DGKB: variants seen among roughly 807,000 people sequenced by gnomAD.
The protein encoded by DGKB is 90 kDa diacylglycerol kinase.
Under a neutral mutation model 114.3 loss-of-function variants are expected in DGKB, and 67 were observed. The ratio of observed to expected loss-of-function variants is 0.59; its 90% CI spans 0.48 to 0.72. The LOEUF is 0.72. DGKB is among the 30% of genes least tolerant of loss of function. The pLI is 0.00. For synonymous variants in DGKB, 398 were observed against 323.1 expected (o/e 1.23, Z -2.49); for missense variants, 907 against 975.2 (o/e 0.93, Z 0.93).
At chr7:14,502,295 A>G (rs1170960003) in intron 20 of DGKB, among the ~76,000 whole-genome samples, 1 of 152,058 alleles carries the variant, frequency 6.6e-6, no homozygotes. Context: ...GAGAGAAGTC[A>G]GGTAGAACCA....
At chr7:14,223,552 T>C (rs1033628512) in intron 23 of DGKB, among the ~76,000 whole-genome samples, 1 of 151,844 alleles carries the variant, frequency 6.6e-6, no homozygotes, top group Non-Finnish European at 1.5e-5. Flanking sequence ...GCAATGAATA[T>C]GTATTTATAC....
chr7:14,651,475 A>G, intron 13 of DGKB, among the ~76,000 whole-genome samples: 1 of 146,440 alleles, frequency 6.8e-6, no homozygotes, highest in Non-Finnish European at 1.5e-5. Context: ...CTCTCAATAA[A>G]TTAGGTATTG....
chr7:14,502,021 C>G (rs1459330747), intron 20 of DGKB, among the ~76,000 whole-genome samples: 1 of 151,862 alleles, frequency 6.6e-6, no homozygotes, highest in East Asian at 1.9e-4. Flanking sequence ...GACATTGTAG[C>G]TTGTCTCAAT....
intron 20 of DGKB, among the ~76,000 whole-genome samples, chr7:14,567,285 TATATA>T (rs1290064816): frequency 1.9e-5 from 1 of 52,512 alleles, no homozygotes; most frequent in East Asian, 7.8e-4. Flanking sequence ...TTATATTATA[TATATA>T]ATATATTTAT....
chr7:14,509,780 C>G (rs974510270), intron 20 of DGKB, among the ~76,000 whole-genome samples: 8 of 152,222 alleles, frequency 5.3e-5, no homozygotes, highest in African/African-American at 1.9e-4. Flanking sequence ...TTTGTCTCCG[C>G]CAGACTCGGG....
At chr7:14,746,182 T>TA (rs1225685689) in intron 4 of DGKB, among the ~76,000 whole-genome samples, 1 of 151,920 alleles carries the variant, frequency 6.6e-6, no homozygotes, top group East Asian at 1.9e-4. Context: ...CTACTAAAAA[T>TA]AAAAAAATTA....
chr7:14,768,883 C>T (rs1171473925), intron 2 of DGKB, among the ~76,000 whole-genome samples: 2 of 151,898 alleles, frequency 1.3e-5, no homozygotes, highest in Non-Finnish European at 2.9e-5. Flanking sequence ...TATGTTCTTA[C>T]ATTGGAACAT....
chr7:14,407,006 G>A (rs1285954214), intron 21 of DGKB, among the ~76,000 whole-genome samples: 1 of 152,048 alleles, frequency 6.6e-6, no homozygotes, highest in African/African-American at 2.4e-5. Flanking sequence ...TTATAGTTAT[G>A]AAAGAAAATT....
intron 22 of DGKB, among the ~76,000 whole-genome samples, chr7:14,342,682 A>G (rs1307857185): frequency 6.6e-6 from 1 of 151,916 alleles, no homozygotes; most frequent in Non-Finnish European, 1.5e-5. Context: ...CAATGGAGAT[A>G]TAACAGTATC....
chr7:14,400,871 T>C (rs1392209111), intron 21 of DGKB, among the ~76,000 whole-genome samples: 7 of 151,776 alleles, frequency 4.6e-5, no homozygotes, highest in East Asian at 1.9e-4. Context: ...CTTGAAAACA[T>C]AGTCAAGTTT....
chr7:14,248,779 G>C (rs138013186), intron 23 of DGKB, among the ~76,000 whole-genome samples: 1 of 152,002 alleles, frequency 6.6e-6, no homozygotes, highest in Non-Finnish European at 1.5e-5. Context: ...AGATTATGTC[G>C]TCTGCAAAGA....
intron 4 of DGKB, among the ~76,000 whole-genome samples, chr7:14,742,807 A>G (rs1832757635): frequency 6.6e-6 from 1 of 152,202 alleles, no homozygotes; most frequent in African/African-American, 2.4e-5. Context: ...CAAGGTGTGT[A>G]AGAAGAGTAA....
At chr7:14,919,861 C>T (rs1587382173) in intron 1 of DGKB, among the ~76,000 whole-genome samples, 2 of 152,110 alleles carry the variant, frequency 1.3e-5, no homozygotes, top group African/African-American at 4.8e-5. Context: ...TTGCTCCTTT[C>T]CTCTCCATGT....
intron 21 of DGKB, among the ~76,000 whole-genome samples, chr7:14,349,414 A>T (rs1813063810): frequency 6.6e-6 from 1 of 152,166 alleles, no homozygotes; most frequent in African/African-American, 2.4e-5. Context: ...CTTGTATAGA[A>T]ATGATTATTC....
At chr7:14,913,886 T>C (rs1239174827) in intron 1 of DGKB, among the ~76,000 whole-genome samples, 1 of 152,080 alleles carries the variant, frequency 6.6e-6, no homozygotes, top group Non-Finnish European at 1.5e-5. Context: ...CAGAGTAAAC[T>C]ACTACCCACA....
At chr7:14,692,406 T>A (rs930049011) in intron 9 of DGKB, among the ~76,000 whole-genome samples, 7 of 152,002 alleles carry the variant, frequency 4.6e-5, no homozygotes, top group African/African-American at 1.7e-4. Flanking sequence ...TATTGGAATT[T>A]CCTGACTAAA....
intron 1 of DGKB, among the ~76,000 whole-genome samples, chr7:14,841,704 A>T (rs373592551): frequency 4.6e-5 from 7 of 152,186 alleles, no homozygotes; most frequent in African/African-American, 1.7e-4. Flanking sequence ...TAAACATTAC[A>T]TATAAAATCT....
intron 20 of DGKB, among the ~76,000 whole-genome samples, chr7:14,483,352 G>T (rs998379752): frequency 2.0e-5 from 3 of 152,168 alleles, no homozygotes; most frequent in African/African-American, 7.2e-5. Flanking sequence ...CAAATGGAGA[G>T]ATATTTTACC....
At chr7:14,393,096 TCTC>T (rs1319005201) in intron 21 of DGKB, among the ~76,000 whole-genome samples, 1 of 150,248 alleles carries the variant, frequency 6.7e-6, no homozygotes, top group Non-Finnish European at 1.5e-5. Flanking sequence ...TTCACGCCAT[TCTC>T]CTGCCTCAGC....
Sources: allele counts gnomAD v4.1 joint callset (sites outside exome capture counted in the v4.1 genomes callset), GRCh38; gene constraint gnomAD v4.1.1; transcripts MANE v1.5; gene names NCBI Gene and HGNC (gene_info 2026-07-23, HGNC 2026-07-21).